Variants in CAMK1D observed in about 807,000 individuals in gnomAD.
CAMK1D encodes the protein calcium/calmodulin-dependent protein kinase type 1D.
Under a neutral mutation model 47.7 loss-of-function variants are expected in CAMK1D, and 9 were observed. The observed-to-expected ratio is 0.19, with a 90% CI of 0.11 to 0.33. The LOEUF is 0.33. Ranked by LOEUF, CAMK1D falls within the 10% of genes least tolerant of loss-of-function variation. The pLI, the probability that CAMK1D is intolerant of heterozygous loss-of-function variation, is 1.00. For synonymous variants in CAMK1D, 184 were observed against 184.9 expected, an observed-to-expected ratio of 0.99 and a Z score of 0.04; for missense variants, 291 against 488.7, an observed-to-expected ratio of 0.60 and a Z score of 3.81.
chr10:12,599,717 G>A (rs1227102279), intron 2 of CAMK1D, among the ~76,000 whole-genome samples: 1 of 152,152 alleles, frequency 6.6e-6, no homozygotes, highest in Non-Finnish European at 1.5e-5. Context: ...GTGAGCTCTT[G>A]GCATTTGGGT....
chr10:12,472,997 C>T (rs1220325624), intron 1 of CAMK1D, among the ~76,000 whole-genome samples: 1 of 152,114 alleles, frequency 6.6e-6, no homozygotes, highest in Non-Finnish European at 1.5e-5. Flanking sequence ...CCAGGATGAG[C>T]AGAAACACAG....
chr10:12,821,475 A>G (rs1833008653), intron 8 of CAMK1D, among the ~76,000 whole-genome samples: 1 of 152,174 alleles, frequency 6.6e-6, no homozygotes, highest in South Asian at 2.1e-4. Flanking sequence ...TCCCGGGTAC[A>G]CACCAGGCAC....
rs184419307 is a variant in CAMK1D at position 12,371,661 on chromosome 10, G to A, written c.92+21751G>A. ...GCCTGTAATCCCAGCACTTTGGGAG[G>A]CCAAGGCGGGTGGATCATGAGGTCA... On this transcript the variant is annotated intron_variant, in intron 1 of 10. Transcript: ENST00000619168. Among the ~76,000 whole-genome samples the A allele has an allele frequency of 6.2e-3, 944 of 151,922 alleles. 6 individuals are homozygous for A. Among genetic ancestry groups the A allele is most frequent in the Admixed American group, 0.011 (161 of 15,282 alleles).
chr10:12,488,859 G>T (rs941639116), intron 1 of CAMK1D, among the ~76,000 whole-genome samples: 1 of 152,182 alleles, frequency 6.6e-6, no homozygotes, highest in Non-Finnish European at 1.5e-5. Flanking sequence ...GTGATGCGAG[G>T]GATGGGGAGC....
rs1836963364 is a variant in CAMK1D at position 12,769,903 on chromosome 10, G to A, written c.565+104G>A. On this transcript the variant is annotated intron_variant, in intron 5 of 10. Transcript: ENST00000619168. ...TCAGTTGTGTGAAACATATGAGCTTGGCATGTAATCACAGCTGCCTTCACT... is the reference window on the plus strand; with the variant it reads ...TCAGTTGTGTGAAACATATGAGCTTAGCATGTAATCACAGCTGCCTTCACT... 5.3e-6 allele frequency: 7 copies of A among 1,317,982 alleles called. No individual in the cohort carries two copies. The Admixed American group carries it at 1.4e-4, about 26-fold the overall frequency. 81.6% of individuals were successfully genotyped at this position (1,317,982 alleles called of 1,614,324 possible). A position where few individuals can be genotyped will look rare whatever the true frequency, so the allele number is the denominator to read the frequency against.
chr10:12,614,405 C>A (rs1044181508), intron 2 of CAMK1D, among the ~76,000 whole-genome samples: 10 of 152,178 alleles, frequency 6.6e-5, no homozygotes, highest in African/African-American at 2.4e-4. Context: ...CAAATGCAAC[C>A]ATATGCATCT....
chr10:12,552,458 G>C (rs914581921), intron 1 of CAMK1D, among the ~76,000 whole-genome samples: 1 of 152,174 alleles, frequency 6.6e-6, no homozygotes, highest in Non-Finnish European at 1.5e-5. Context: ...TTTGCAGAGC[G>C]CTCTGAAATT....
intron 3 of CAMK1D, among the ~76,000 whole-genome samples, chr10:12,689,731 A>C (rs376565263): frequency 2.5e-4 from 38 of 152,062 alleles, no homozygotes; most frequent in African/African-American, 9.2e-4. Context: ...AGCCGAGATC[A>C]TACCATTGTA....
At chr10:12,446,885 G>C (rs1290470654) in intron 1 of CAMK1D, among the ~76,000 whole-genome samples, 1 of 152,106 alleles carries the variant, frequency 6.6e-6, no homozygotes, top group African/African-American at 2.4e-5. Context: ...AGAATTCTTT[G>C]ATCTTTTCTG....
chr10:12,804,029 A>G (rs1222056819), intron 6 of CAMK1D, among the ~76,000 whole-genome samples: 1 of 152,058 alleles, frequency 6.6e-6, no homozygotes, highest in Non-Finnish European at 1.5e-5. Flanking sequence ...GGGGCCCTGG[A>G]TGGGGTGGGC....
rs143853627 is a variant in CAMK1D, at chr10:12,364,798, C to T, written c.92+14888C>T. ...CCCACCTGGTCTGATTTCAAGCTCC[C>T]CATGGTTTAACAACCTACTTGCAAA... is the stretch of plus-strand genomic sequence containing the variant. On this transcript the variant is annotated intron_variant, in intron 1 of 10. Transcript: ENST00000619168. Among the ~76,000 whole-genome samples, 9 of 152,150 alleles carry T rather than the reference C, an allele frequency of 5.9e-5. 1 individual carries two copies. In the East Asian group the frequency reaches 1.7e-3, roughly 29 times the overall value.
intron 2 of CAMK1D, among the ~76,000 whole-genome samples, chr10:12,621,699 A>G (rs1409675088): frequency 6.6e-6 from 1 of 152,186 alleles, no homozygotes; most frequent in African/African-American, 2.4e-5. Flanking sequence ...CTTTTTAAAT[A>G]TTGGTGTCCG....
chr10:12,425,427 G>A (rs931242836), intron 1 of CAMK1D, among the ~76,000 whole-genome samples: 64 of 151,794 alleles, frequency 4.2e-4, no homozygotes, highest in African/African-American at 1.4e-3. Context: ...GACTATACAC[G>A]TGTGCCACCA....
At chr10:12,596,681 C>T (rs1340795893) in intron 2 of CAMK1D, among the ~76,000 whole-genome samples, 2 of 151,916 alleles carry the variant, frequency 1.3e-5, no homozygotes, top group South Asian at 4.2e-4. Context: ...TTTCTGGGTC[C>T]CTACCCTCAA....
chr10:12,735,754 G>A (rs1038851155), intron 3 of CAMK1D, among the ~76,000 whole-genome samples: 16 of 151,228 alleles, frequency 1.1e-4, no homozygotes, highest in Admixed American at 6.6e-5. Flanking sequence ...TCTAATCCCC[G>A]AAGAGTTATG....
intron 1 of CAMK1D, among the ~76,000 whole-genome samples, chr10:12,478,348 G>C (rs990343450): frequency 1.2e-4 from 19 of 152,018 alleles, no homozygotes; most frequent in African/African-American, 4.6e-4. Context: ...CTGTCACCCA[G>C]GCTAGAGTGT....
At chr10:12,577,429 A>C (rs1228080749) in intron 2 of CAMK1D, among the ~76,000 whole-genome samples, 1 of 152,248 alleles carries the variant, frequency 6.6e-6, no homozygotes, top group East Asian at 1.9e-4. Context: ...GGCCCAAAGC[A>C]CTGAAACATT....
chr10:12,791,035 T>C, intron 5 of CAMK1D, 123 bp from the exon 6 acceptor site: 1 of 772,556 alleles, frequency 1.3e-6, no homozygotes, highest in Non-Finnish European at 2.2e-6. Flanking sequence ...TAAAATGGGT[T>C]ATGTCTCTCT....
chr10:12,617,374 G>A (rs1329730832), intron 2 of CAMK1D, among the ~76,000 whole-genome samples: 4 of 152,124 alleles, frequency 2.6e-5, no homozygotes, highest in African/African-American at 7.2e-5. Context: ...GAAATTCCCC[G>A]TGTTAACTCT....
Sources: gnomAD v4.1 joint callset for allele counts (sites outside exome capture counted in the v4.1 genomes callset) on GRCh38, gnomAD v4.1.1 for gene constraint, MANE v1.5 for transcripts, NCBI Gene and HGNC (gene_info 2026-07-23, HGNC 2026-07-21) for gene names.